Variants in ACTR2 observed in about 807,000 individuals in gnomAD.
ACTR2 encodes actin-related protein 2.
Under a neutral mutation model 50.2 loss-of-function variants are expected in ACTR2, and 5 were observed. The observed-to-expected ratio is 0.10, with a 90% confidence interval of 0.05 to 0.21. The LOEUF is 0.21. Among genes scored for constraint, ACTR2 ranks in the 10% least tolerant of loss-of-function variants. ACTR2 has a pLI of 1.00. For synonymous variants in ACTR2, 140 were observed against 162.9 expected (o/e 0.86, Z 1.07); for missense variants, 180 against 480.6 (o/e 0.37, Z 5.85).
In ACTR2 at chr2:65,250,246, C is replaced by G. The variant is rs558526114; in HGVS notation, c.376-781C>G. Among the ~76,000 whole-genome samples the G allele has an allele frequency of 4.2e-4, 64 of 152,010 alleles. 1 individual carries two copies. In the South Asian group the frequency reaches 7.5e-3, roughly 18 times the overall value. On this transcript the variant is annotated intron_variant, in intron 3 of 8. Transcript: ENST00000260641. The stretch of plus-strand genomic sequence containing the variant: ...GGGTGTGGTGGTGTACGCCTGTAGT[C>G]CCAGCTACTCGGGAGGCTGAGGCAG...
intron 2 of ACTR2, chr2:65,241,912 T>C (rs1206307843): frequency 4.0e-6 from 4 of 1,007,142 alleles, no homozygotes; most frequent in Non-Finnish European, 5.9e-6. Context: ...TTAAATATAG[T>C]AGTACTGCAT....
intron 6 of ACTR2, 118 bp downstream of exon 6, chr2:65,255,812 G>A (rs1672138945): frequency 2.6e-6 from 2 of 770,510 alleles, no homozygotes; most frequent in Non-Finnish European, 3.9e-6. Flanking sequence ...GTTGTAATAT[G>A]TATATGTGTG....
At chr2:65,242,269 C>G (rs1039113041) in intron 2 of ACTR2, among the ~76,000 whole-genome samples, 5 of 152,062 alleles carry the variant, frequency 3.3e-5, no homozygotes, top group African/African-American at 1.2e-4. Flanking sequence ...TACAATGGAC[C>G]AAACAAGAAC....
chr2:65,249,149 T>C (rs1671996873), intron 3 of ACTR2, among the ~76,000 whole-genome samples: 1 of 152,242 alleles, frequency 6.6e-6, no homozygotes, highest in South Asian at 2.1e-4. Context: ...TTTTTGTATA[T>C]ATGAAGTAGA....
chr2:65,258,400 AC>A (rs1672194082), intron 6 of ACTR2, among the ~76,000 whole-genome samples: 1 of 151,798 alleles, frequency 6.6e-6, no homozygotes, highest in South Asian at 2.1e-4. Flanking sequence ...ATATAATGAG[AC>A]CCTGTCTCTA....
rs746706831 is a variant in ACTR2 at position 65,248,072 on chromosome 2, C to T, written c.375+1333C>T. ...AGGAGAGAGCAACAGAAGATGAGGT[C>T]GAGTAAGTAATATTGGTGCCTTGTA... On this transcript the variant is annotated intron_variant, in intron 3 of 8. Transcript: ENST00000260641. 4.6e-5 allele frequency among the ~76,000 whole-genome samples: 7 copies of T among 151,940 alleles called. 1 individual carries two copies.
intron 1 of ACTR2, chr2:65,228,268 C>T (rs936328597): frequency 2.8e-5 from 9 of 325,084 alleles, no homozygotes; most frequent in East Asian, 4.8e-5. Context: ...GGCAATTGGG[C>T]TAAAGCGGAC....
At chr2:65,268,496 A>G (rs750130999) in intron 8 of ACTR2, 68 bp from the exon 9 acceptor site, 67 of 1,426,262 alleles carry the variant, frequency 4.7e-5, no homozygotes, top group Non-Finnish European at 5.6e-5. Context: ...ATATTTAAAA[A>G]GCCATTTTCA....
intron 3 of ACTR2, among the ~76,000 whole-genome samples, chr2:65,250,380 A>G (rs1672021851): frequency 1.3e-5 from 2 of 149,740 alleles, no homozygotes. Context: ...AGAAAAAAAA[A>G]AGATATTTCC....
chr2:65,227,889 C>T lies in ACTR2; in HGVS notation c.-21C>T, dbSNP rs188314118. 2 of 1,505,304 alleles carry T rather than the reference C, an allele frequency of 1.3e-6. No individual in the cohort carries two copies. The highest frequency in any genetic ancestry group is 2.9e-5 in the East Asian group (1 of 34,684). The allele number at this position is 1,505,304 out of a possible 1,614,324, so 93.2% of individuals were successfully genotyped here. On this transcript the variant is annotated 5_prime_UTR_variant, in exon 1 of 9. Transcript: ENST00000260641. ...GTGGCTGTAGGTTGTGCGGCTGCAG[C>T]GGCTCTTCCCTGGGCGGACGATGGA...
chr2:65,248,361 C>T (rs1262540021), intron 3 of ACTR2, among the ~76,000 whole-genome samples: 2 of 152,032 alleles, frequency 1.3e-5, no homozygotes, highest in Non-Finnish European at 2.9e-5. Context: ...GATTACACCA[C>T]TGCATTCCAG....
chr2:65,255,844 A>AT (rs1672139801), intron 6 of ACTR2, 150 bp downstream of exon 6: 1 of 577,402 alleles, frequency 1.7e-6, no homozygotes, highest in African/African-American at 1.9e-5. Context: ...CTCTTTCTAC[A>AT]TTAAGTTTCT....
rs138753431 is a variant in ACTR2 at position 65,261,021 on chromosome 2, C to T, written c.736-226C>T. 5.9e-3 allele frequency among the ~76,000 whole-genome samples: 903 copies of T among 152,160 alleles called. 12 individuals are homozygous for T. The highest frequency in any genetic ancestry group is 0.019 in the African/African-American group (789 of 41,498). On this transcript the variant is annotated intron_variant, in intron 6 of 8. Transcript: ENST00000260641. ...CTGGGATTACAGACGTGAGCCACCA[C>T]GCCCAGCCTGGCATAACATTTTTAA... is the stretch of plus-strand genomic sequence containing the variant.
At chr2:65,241,517 A>C (rs1671839508) in intron 2 of ACTR2, among the ~76,000 whole-genome samples, 1 of 152,144 alleles carries the variant, frequency 6.6e-6, no homozygotes, top group South Asian at 2.1e-4. Flanking sequence ...CTATTGGCTC[A>C]ATTCTGTTCA....
rs954261714 is a variant in ACTR2, at chr2:65,227,855, C to T, written c.-55C>T. 2.2e-5 allele frequency: 32 copies of T among 1,486,402 alleles called. No homozygotes were observed. The highest frequency in any genetic ancestry group is 1.9e-4 in the African/African-American group (13 of 68,214). 92.1% of individuals were successfully genotyped at this position (1,486,402 alleles called of 1,614,324 possible). The stretch of plus-strand genomic sequence containing the variant: ...CGCAAGAGGAAGAAGAGAAAACGGC[C>T]GGGCGGCGGTGGCTGTAGGTTGTGC... On this transcript the variant is annotated 5_prime_UTR_variant, in exon 1 of 9. Transcript: ENST00000260641.
intron 1 of ACTR2, among the ~76,000 whole-genome samples, chr2:65,230,069 T>C (rs1671606595): frequency 6.6e-6 from 1 of 152,198 alleles, no homozygotes; most frequent in African/African-American, 2.4e-5. Flanking sequence ...ATGTTCTTTA[T>C]TTGAACAAAG....
chr2:65,228,337 C>T (rs1671569634), intron 1 of ACTR2: 1 of 209,774 alleles, frequency 4.8e-6, no homozygotes, highest in East Asian at 1.0e-4. Flanking sequence ...CCAGGGCCAC[C>T]GGTTTGTAAA....
chr2:65,228,049 C>T (rs1168295773), intron 1 of ACTR2, 92 bp downstream of exon 1: 85 of 1,266,356 alleles, frequency 6.7e-5, no homozygotes, highest in Non-Finnish European at 8.6e-5. Context: ...GGCTGCACCT[C>T]CGGGCCCTCG....
In ACTR2 at chr2:65,261,326, A is replaced by G. The variant is rs1239481163; in HGVS notation, c.815A>G (p.Asn272Ser). Reference protein sequence around the residue: ...PEALFQPHLINVEGVGVAELL... With the variant: ...PEALFQPHLISVEGVGVAELL... ...GCTTTATTTCAGCCTCACTTGATCAATGTTGAAGGAGTTGGTGTTGCTGAA... is the reference window on the plus strand; with the variant it reads ...GCTTTATTTCAGCCTCACTTGATCAGTGTTGAAGGAGTTGGTGTTGCTGAA... The change falls in exon 7 of 9, where the codon AAT (asparagine) becomes AGT (serine). Residue 272 changes from asparagine to serine, a missense_variant. Asn to Ser is a conservative substitution (Grantham distance 46). Transcript: ENST00000260641. The G allele has an allele frequency of 2.5e-6, 4 of 1,613,980 alleles. No individual in the cohort carries two copies. Among genetic ancestry groups the G allele is most frequent in the East Asian group, 2.2e-5 (1 of 44,870 alleles).
Sources: allele counts gnomAD v4.1 joint callset (sites outside exome capture counted in the v4.1 genomes callset), GRCh38; gene constraint gnomAD v4.1.1; transcripts MANE v1.5; gene names NCBI Gene and HGNC (gene_info 2026-07-23, HGNC 2026-07-21).